The following DOCK6 variants were observed in gnomAD, a reference collection of about 807,000 sequenced individuals.
DOCK6 encodes the protein dedicator of cytokinesis 6.
Under a neutral mutation model 230.3 loss-of-function variants are expected in DOCK6, and 167 were observed. The observed-to-expected ratio is 0.73, with a 90% CI of 0.64 to 0.82. The LOEUF (loss-of-function observed/expected upper bound fraction) is 0.82. DOCK6 is among the 40% of genes least tolerant of loss of function. DOCK6 has a pLI of 0.00. For missense variants in DOCK6, 2,598 were observed against 2,825.8 expected (o/e 0.92, Z 1.83); for synonymous variants, 1,148 against 1,185.0 (o/e 0.97, Z 0.64).
intron 23 of DOCK6, among the ~76,000 whole-genome samples, chr19:11,227,945 G>A (rs914592389): frequency 2.0e-5 from 3 of 151,990 alleles, no homozygotes; most frequent in African/African-American, 7.3e-5. Flanking sequence ...CCCTGGGAAG[G>A]AGGCTTCAAA....
chr19:11,213,182 G>A lies in DOCK6; in HGVS notation c.4485C>T (p.Ile1495=), dbSNP rs76413309. 7.9e-3 allele frequency: 12,715 copies of A among 1,611,500 alleles called. 829 individuals carry two copies. In the African/African-American group the frequency reaches 0.14, roughly 18 times the overall value. ...LYLLMRQNFE[I]GHNFARVKMQ... is the part of the protein sequence containing the mutation. The stretch of plus-strand genomic sequence containing the variant: ...CCTCCTAGCCCCCACTCACGTGGCC[G>A]ATCTCGAAGTTCTGTCGCATGAGCA... Residue 1495 remains isoleucine (I), a synonymous_variant, in exon 35 of 48, where the codon ATC becomes ATT. Transcript: ENST00000294618.
chr19:11,223,487 A>T (rs1348024167), intron 24 of DOCK6, among the ~76,000 whole-genome samples: 1 of 152,080 alleles, frequency 6.6e-6, no homozygotes, highest in Non-Finnish European at 1.5e-5. Context: ...GGTGCCGGGG[A>T]ACTGCCAGGG....
In DOCK6 at chr19:11,200,936, C is replaced by T. The variant is rs1179548230; in HGVS notation, c.5805G>A (p.Gln1935=). Residue 1935 remains glutamine, a synonymous_variant, in exon 45 of 48, where the codon CAG becomes CAA. Coordinates refer to ENST00000294618, the MANE Select transcript of DOCK6 (RefSeq NM_020812.4). This position sits in a 1 kb window ranked among gnomAD's most constrained non-coding sequence, Gnocchi z 4.3. ...PDAKMLQMVL[Q]GSVGPTVNQG... ...GGTTCACGGTGGGCCCTACAGAGCC[C>T]TGAAGCACCATCTGTAGCATCTTAG... 3.7e-6 allele frequency: 6 copies of T among 1,613,826 alleles called. No homozygotes were observed. In the African/African-American group the frequency reaches 5.3e-5, roughly 14 times the overall value.
At chr19:11,231,513 A>G (rs558401642) in intron 22 of DOCK6, among the ~76,000 whole-genome samples, 3 of 152,342 alleles carry the variant, frequency 2.0e-5, no homozygotes, top group Admixed American at 6.5e-5. Flanking sequence ...CCAAGAATCT[A>G]TCATCCCAAC....
At chr19:11,221,585 C>T in intron 28 of DOCK6, 1 of 489,086 alleles carries the variant, frequency 2.0e-6, no homozygotes. Flanking sequence ...CTATTGTAGG[C>T]TGACAATATC....
At chr19:11,211,683 T>C in intron 37 of DOCK6, 93 bp downstream of exon 37, 1 of 1,033,304 alleles carries the variant, frequency 9.7e-7, no homozygotes, top group African/African-American at 1.6e-5. Context: ...CCCTGCTCCC[T>C]CCTCACCTCC....
intron 1 of DOCK6, among the ~76,000 whole-genome samples, chr19:11,260,306 C>T (rs919330291): frequency 1.3e-5 from 2 of 152,128 alleles, no homozygotes; most frequent in African/African-American, 2.4e-5. Flanking sequence ...GCAAGCTGGG[C>T]GCAATGGCTC....
Position 11,222,745 on chromosome 19 carries a change from G to T in DOCK6, c.3230C>A (p.Thr1077Asn). The change falls in exon 26 of 48, where the codon ACC becomes AAC. Residue 1077 changes from threonine to asparagine, a missense_variant. By Grantham distance (65) the Thr-to-Asn change is moderately conservative. Transcript: ENST00000294618. This position sits in a 1 kb window ranked among gnomAD's most constrained non-coding sequence, Gnocchi z 4.0. Reference protein sequence around the residue: ...PASPSPSVSSTTSQSSTFSSQ... With the variant: ...PASPSPSVSSNTSQSSTFSSQ... ...GTGAAGGCAGCCCACCTGGGAGGTGGTGGAGGACACAGAGGGGGAGGGCGA... is the reference window on the plus strand; with the variant it reads ...GTGAAGGCAGCCCACCTGGGAGGTGTTGGAGGACACAGAGGGGGAGGGCGA... The T allele has an allele frequency of 6.4e-7, 1 of 1,571,996 alleles. No homozygotes were observed. Among genetic ancestry groups the T allele is most frequent in the Non-Finnish European group, 8.6e-7 (1 of 1,158,224 alleles).
In DOCK6 at chr19:11,200,926, C is replaced by T. The variant is rs780866957; in HGVS notation, c.5815G>A (p.Gly1939Arg). 5 of 1,613,960 alleles carry T rather than the reference C, an allele frequency of 3.1e-6. No homozygotes were observed. The highest frequency in any genetic ancestry group is 1.7e-5 in the Admixed American group (1 of 60,026). Residue 1939 changes from glycine to arginine, a missense_variant, in exon 45 of 48, where the codon GGG becomes AGG. Transcript: ENST00000294618. This position sits in a 1 kb window ranked among gnomAD's most constrained non-coding sequence, Gnocchi z 4.3. Reference protein sequence around the residue: ...MLQMVLQGSVGPTVNQGPLEV... With the variant: ...MLQMVLQGSVRPTVNQGPLEV... ...AGCCGTGCCTGGTTCACGGTGGGCCCTACAGAGCCCTGAAGCACCATCTGT... is the reference window on the plus strand; with the variant it reads ...AGCCGTGCCTGGTTCACGGTGGGCCTTACAGAGCCCTGAAGCACCATCTGT...
At chr19:11,259,869 G>A (rs545094665) in intron 1 of DOCK6, among the ~76,000 whole-genome samples, 156 of 126,044 alleles carry the variant, frequency 1.2e-3, no homozygotes, top group African/African-American at 4.4e-3. Flanking sequence ...GACCTGGGCC[G>A]CCGCGCCCGG....
Position 11,215,377 on chromosome 19 carries a change from C to T in DOCK6, c.4106+10G>A. ...CTGAACTCAGCAGACACCCTCCTGC[C>T]CACACCTACTTGTCCACGCGGTCTG... On this transcript the variant is annotated intron_variant, in intron 32 of 47. Coordinates refer to ENST00000294618, the MANE Select transcript of DOCK6 (RefSeq NM_020812.4). 1.9e-6 allele frequency: 3 copies of T among 1,612,976 alleles called. No homozygotes were observed. The highest frequency in any genetic ancestry group is 2.5e-6 in the Non-Finnish European group (3 of 1,179,348).
rs1568247515 is a variant in DOCK6, at chr19:11,236,364, T to TC, written c.2373dup (p.Ile792AspfsTer15). 1 of 1,564,620 alleles carries TC rather than the reference T, an allele frequency of 6.4e-7. No individual in the cohort carries two copies. Among genetic ancestry groups the TC allele is most frequent in the Non-Finnish European group, 8.7e-7 (1 of 1,153,642 alleles). On this transcript the variant is annotated frameshift_variant, in exon 20 of 48. Transcript: ENST00000294618. LOFTEE classifies it high-confidence loss of function. This position sits in a 1 kb window ranked among gnomAD's most constrained non-coding sequence, Gnocchi z 5.2. The stretch of plus-strand genomic sequence containing the variant: ...CGCTTACCAATCTGGCCACTGATGA[T>TC]CGGGGGCCTGATGACCAGACGCACG...
chr19:11,221,045 C>CG (rs2079571506), intron 28 of DOCK6: 1 of 152,028 alleles, frequency 6.6e-6, no homozygotes, highest in Admixed American at 6.6e-5. Flanking sequence ...AGGATGGTCT[C>CG]GATCTCCTGA....
chr19:11,206,683 C>T (rs1481912638), intron 39 of DOCK6, among the ~76,000 whole-genome samples: 2 of 152,100 alleles, frequency 1.3e-5, no homozygotes, highest in African/African-American at 4.8e-5. Context: ...CAGAGATCAT[C>T]TGGGACATCT....
intron 41 of DOCK6, chr19:11,203,825 C>T: frequency 3.4e-6 from 2 of 585,958 alleles, no homozygotes; most frequent in South Asian, 4.3e-5. Context: ...CCAAGCTGGC[C>T]CTGGCAGAGG....
At position 11,202,034 on chromosome 19, in the gene DOCK6, C is replaced by T. The variant is rs201858507; in HGVS notation, c.5543G>A (p.Arg1848His). The change falls in exon 44 of 48, where the codon CGC becomes CAC. Residue 1848 changes from arginine (R) to histidine (H), a missense_variant. Transcript: ENST00000294618. This position sits in a 1 kb window ranked among gnomAD's most constrained non-coding sequence, Gnocchi z 5.3. The stretch of plus-strand genomic sequence containing the variant: ...GAACGGCGTGCAGAACAGGAATGTG[C>T]GAAGCCCATAGTTGCGGTCAAAGTA... ...VTYFDRNYGL[R>H]TFLFCTPFTP... 2.1e-5 allele frequency: 34 copies of T among 1,613,924 alleles called. No individual in the cohort carries two copies. Among genetic ancestry groups the T allele is most frequent in the Middle Eastern group, 1.6e-4 (1 of 6,084 alleles).
Position 11,236,376 on chromosome 19 carries a change from T to A in DOCK6, c.2362A>T (p.Ile788Phe). The A allele has an allele frequency of 1.3e-6, 2 of 1,574,312 alleles. No individual in the cohort carries two copies. The highest frequency in any genetic ancestry group is 8.6e-7 in the Non-Finnish European group (1 of 1,159,298). The part of the protein sequence containing the change: ...HVLDKLVRLV[I>F]RPPIISGQIV... ...TGGCCACTGATGATCGGGGGCCTGATGACCAGACGCACGAGCTTGTCCAGC... is the reference window on the plus strand; with the variant it reads ...TGGCCACTGATGATCGGGGGCCTGAAGACCAGACGCACGAGCTTGTCCAGC... The change falls in exon 20 of 48, where the codon ATC becomes TTC. Residue 788 changes from isoleucine to phenylalanine, a missense_variant. By Grantham distance (21) the Ile-to-Phe change is conservative (BLOSUM62 0). Transcript: ENST00000294618. This position sits in a 1 kb window ranked among gnomAD's most constrained non-coding sequence, Gnocchi z 5.2.
chr19:11,223,033 C>G lies in DOCK6; in HGVS notation c.3029G>C (p.Arg1010Pro). The G allele has an allele frequency of 6.2e-7, 1 of 1,613,770 alleles. No individual in the cohort carries two copies. ...FLSDLLSLVD[R>P]GFVFSLVRAH... ...CCGGACCAGGCTGAAGACAAAGCCC[C>G]GGTCCACCAGGGACAGAAGGTCACT... The change falls in exon 25 of 48, where the codon CGG becomes CCG. Residue 1010 changes from arginine to proline, a missense_variant. By Grantham distance (103) the Arg-to-Pro change is moderately radical (BLOSUM62 -2). Transcript: ENST00000294618.
At position 11,221,949 on chromosome 19, in the gene DOCK6, C is replaced by T. The variant is rs762209501; in HGVS notation, c.3452G>A (p.Arg1151His). The T allele has an allele frequency of 4.3e-5, 69 of 1,613,676 alleles. No individual in the cohort carries two copies. Among genetic ancestry groups the T allele is most frequent in the Middle Eastern group, 1.6e-4 (1 of 6,084 alleles). Residue 1151 changes from arginine (R) to histidine (H), a missense_variant, in exon 28 of 48, where the codon CGC (arginine) becomes CAC (histidine). Coordinates refer to ENST00000294618, the MANE Select transcript of DOCK6 (RefSeq NM_020812.4). Reference sequence around the variant, plus strand: ...AGCCTTCACAGTGGCCTCGGCGTAGCGGGGGTCAGTGTCATGGCCACATAG... The same window carrying T: ...AGCCTTCACAGTGGCCTCGGCGTAGTGGGGGTCAGTGTCATGGCCACATAG... ...SLLCGHDTDP[R>H]YAEATVKARV...
Sources: allele counts gnomAD v4.1 joint callset (sites outside exome capture counted in the v4.1 genomes callset), GRCh38; gene constraint gnomAD v4.1.1; non-coding constraint Gnocchi (gnomAD v3.1); transcripts MANE v1.5; gene names NCBI Gene and HGNC (gene_info 2026-07-23, HGNC 2026-07-21).